Variants in CATSPERE observed in about 807,000 individuals in gnomAD.
CATSPERE encodes the protein catsper channel auxiliary subunit epsilon.
Under a neutral mutation model 114.1 loss-of-function variants are expected in CATSPERE, and 93 were observed. The ratio of observed to expected loss-of-function variants is 0.81; its 90% CI spans 0.69 to 0.97. The LOEUF is 0.97. CATSPERE is among the 50% of genes least tolerant of loss of function. The pLI is 0.00. For synonymous variants in CATSPERE, 341 were observed against 384.1 expected, an observed-to-expected ratio of 0.89 and a Z score of 1.31; for missense variants, 1,058 against 1,131.6, an observed-to-expected ratio of 0.93 and a Z score of 0.93.
chr1:244,570,792 G>C (rs1664316104), intron 10 of CATSPERE, among the ~76,000 whole-genome samples: 1 of 152,204 alleles, frequency 6.6e-6, no homozygotes, highest in Non-Finnish European at 1.5e-5. Context: ...ACTAGGGAGA[G>C]AGTATATATA....
intron 6 of CATSPERE, among the ~76,000 whole-genome samples, chr1:244,496,609 G>C (rs901890825): frequency 3.3e-5 from 5 of 152,222 alleles, no homozygotes; most frequent in African/African-American, 1.2e-4. Context: ...CTCTCCTGAA[G>C]GAAAGGCATA....
At chr1:244,529,021 A>G (rs1418770262) in intron 8 of CATSPERE, among the ~76,000 whole-genome samples, 2 of 152,098 alleles carry the variant, frequency 1.3e-5, no homozygotes, top group Admixed American at 6.5e-5. Flanking sequence ...ATTCTTTTTT[A>G]TGGCTAAATA....
At chr1:244,526,880 T>C (rs1678715744) in intron 8 of CATSPERE, among the ~76,000 whole-genome samples, 1 of 152,094 alleles carries the variant, frequency 6.6e-6, no homozygotes, top group Non-Finnish European at 1.5e-5. Context: ...AGACATCACA[T>C]GTCAGCAGGT....
intron 14 of CATSPERE, among the ~76,000 whole-genome samples, chr1:244,589,915 T>C (rs1038107959): frequency 2.0e-5 from 3 of 152,156 alleles, no homozygotes; most frequent in African/African-American, 7.2e-5. Flanking sequence ...CCTGGAACCC[T>C]AAAAACTCTA....
intron 5 of CATSPERE, among the ~76,000 whole-genome samples, chr1:244,482,554 A>T (rs1356725070): frequency 1.3e-5 from 2 of 152,130 alleles, no homozygotes; most frequent in African/African-American, 4.8e-5. Flanking sequence ...GTGAGCTATG[A>T]TTGCGCCACT....
intron 11 of CATSPERE, among the ~76,000 whole-genome samples, chr1:244,580,506 T>C (rs1666008877): frequency 6.6e-6 from 1 of 152,132 alleles, no homozygotes; most frequent in Admixed American, 6.6e-5. Context: ...TTTTTAAAAA[T>C]GAATATAACA....
At position 244,591,664 on chromosome 1, in the gene CATSPERE, T is replaced by G. The variant is rs1319077944; in HGVS notation, c.2139-17T>G. The stretch of plus-strand genomic sequence containing the variant: ...AAGAAATGATATTTCAACTTCATTA[T>G]GTTTTGTCTTTTGTAGATTTAGTAA... On this transcript the variant is annotated splice_polypyrimidine_tract_variant and intron_variant, in intron 14 of 21. Transcript: ENST00000366534. The G allele has an allele frequency of 1.4e-6, 2 of 1,417,452 alleles. No individual in the cohort carries two copies. The highest frequency in any genetic ancestry group is 1.4e-5 in the African/African-American group (1 of 69,890). 87.8% of individuals were successfully genotyped at this position (1,417,452 alleles called of 1,614,324 possible). A position where few individuals can be genotyped will look rare whatever the true frequency, so the allele number is the denominator to read the frequency against.
rs1558303621 is a variant in CATSPERE at position 244,463,924 on chromosome 1, C to G, written c.82C>G (p.Pro28Ala). Reference protein sequence around the residue: ...SALWRYSTNSPNYRIFSTRST... With the variant: ...SALWRYSTNSANYRIFSTRST... Reference sequence around the variant, plus strand: ...CCTCCACAGGTATTCCACTAACAGCCCAAACTATCGCATTTTTAGTACCAG... The same window carrying G: ...CCTCCACAGGTATTCCACTAACAGCGCAAACTATCGCATTTTTAGTACCAG... The change falls in exon 2 of 22, where the codon CCA becomes GCA. Residue 28 changes from proline (P) to alanine (A), a missense_variant. Around this residue, in one of 2 missense-constraint regions of CATSPERE, gnomAD observed 271 missense variants for 225.9 expected, o/e 1.20. Coordinates refer to ENST00000366534, the MANE Select transcript of CATSPERE (RefSeq NM_001130957.2). The G allele has an allele frequency of 6.2e-7, 1 of 1,601,354 alleles. No homozygotes were observed. The highest frequency in any genetic ancestry group is 8.6e-7 in the Non-Finnish European group (1 of 1,168,652).
At chr1:244,553,474 G>C (rs1397441916) in intron 9 of CATSPERE, among the ~76,000 whole-genome samples, 5 of 151,210 alleles carry the variant, frequency 3.3e-5, no homozygotes, top group Admixed American at 2.6e-4. Context: ...TCAGCTACTC[G>C]GGAGGCTGAG....
chr1:244,594,837 C>T (rs1421069085), intron 17 of CATSPERE, among the ~76,000 whole-genome samples: 1 of 152,170 alleles, frequency 6.6e-6, no homozygotes, highest in Admixed American at 6.5e-5. Context: ...TCGCCCATGG[C>T]ACTTCTAAGA....
chr1:244,473,285 T>C (rs2148125571), intron 2 of CATSPERE, among the ~76,000 whole-genome samples: 1 of 152,318 alleles, frequency 6.6e-6, no homozygotes, highest in South Asian at 2.1e-4. Context: ...TGTTAGTGTT[T>C]TGGATTTTTG....
chr1:244,491,607 G>A (rs1375755078), intron 6 of CATSPERE, among the ~76,000 whole-genome samples: 11 of 152,048 alleles, frequency 7.2e-5, no homozygotes, highest in East Asian at 3.9e-4. Context: ...GCAGAACTGA[G>A]GGAAATAGAG....
rs1367380886 is a variant in CATSPERE, at chr1:244,594,852, A to G, written c.2303+1274A>G. Among the ~76,000 whole-genome samples the G allele has an allele frequency of 2.6e-5, 4 of 152,114 alleles. No homozygotes were observed. The South Asian group carries it at 6.2e-4, about 24-fold the overall frequency. On this transcript the variant is annotated intron_variant, in intron 17 of 21. Transcript: ENST00000366534. ...TCGCCCATGGCACTTCTAAGACTCTACCATGTGCCCTTTCCATCTTAAATC... is the reference window on the plus strand; with the variant it reads ...TCGCCCATGGCACTTCTAAGACTCTGCCATGTGCCCTTTCCATCTTAAATC...
chr1:244,586,631 T>C (rs1266639317), intron 13 of CATSPERE, among the ~76,000 whole-genome samples: 2 of 152,202 alleles, frequency 1.3e-5, no homozygotes, highest in East Asian at 1.9e-4. Flanking sequence ...ATCAACTCTT[T>C]AAGGCCACCA....
chr1:244,493,543 A>T (rs1479556263), intron 6 of CATSPERE, among the ~76,000 whole-genome samples: 1 of 152,220 alleles, frequency 6.6e-6, no homozygotes, highest in Non-Finnish European at 1.5e-5. Context: ...GGCATGGGCA[A>T]GGACTTCATG....
chr1:244,634,057 T>C (rs1249230810), intron 20 of CATSPERE, among the ~76,000 whole-genome samples: 1 of 151,882 alleles, frequency 6.6e-6, no homozygotes, highest in East Asian at 1.9e-4. Context: ...AGAGATGGGG[T>C]TTCACCATGT....
At position 244,610,594 on chromosome 1, in the gene CATSPERE, G is replaced by A. The variant is rs1670585008; in HGVS notation, c.2490+268G>A. 3 of 506,718 alleles carry A rather than the reference G, an allele frequency of 5.9e-6. No homozygotes were observed. The Admixed American group carries it at 8.7e-5, about 15-fold the overall frequency. 31.4% of individuals were successfully genotyped at this position (506,718 alleles called of 1,614,324 possible). A position where few individuals can be genotyped will look rare whatever the true frequency, so the allele number is the denominator to read the frequency against. ...TTAAATATGTGTTAAACATGTGAAAGCATCAAGAGTGAGTCTTTGTAAAGA... is the reference window on the plus strand; with the variant it reads ...TTAAATATGTGTTAAACATGTGAAAACATCAAGAGTGAGTCTTTGTAAAGA... On this transcript the variant is annotated intron_variant, in intron 19 of 21. Transcript: ENST00000366534.
intron 5 of CATSPERE, among the ~76,000 whole-genome samples, 194 bp from the exon 6 acceptor site, chr1:244,490,253 G>C (rs985205128): frequency 6.6e-6 from 1 of 152,162 alleles, no homozygotes; most frequent in Non-Finnish European, 1.5e-5. Flanking sequence ...TGACAAATGA[G>C]AATCAGTAAC....
At chr1:244,559,806 T>C (rs1033124894) in intron 9 of CATSPERE, among the ~76,000 whole-genome samples, 15 of 152,286 alleles carry the variant, frequency 9.8e-5, no homozygotes, top group African/African-American at 3.4e-4. Flanking sequence ...GCTTAAAAGA[T>C]TTAAAAGGAA....
Sources: allele counts gnomAD v4.1 joint callset (sites outside exome capture counted in the v4.1 genomes callset), GRCh38; gene constraint gnomAD v4.1.1; regional missense constraint gnomAD v4.1.1; transcripts MANE v1.5; gene names NCBI Gene and HGNC (gene_info 2026-07-23, HGNC 2026-07-21).